Variants in SPOCK1 observed in about 807,000 individuals in gnomAD.
The protein encoded by SPOCK1 is testican-1.
In SPOCK1, 23 loss-of-function variants were observed where a neutral mutation model predicts 55.3. That is an observed-to-expected ratio of 0.42 (90% confidence interval 0.30 to 0.59). The LOEUF is 0.59. Among genes scored for constraint, SPOCK1 ranks in the 20% least tolerant of loss-of-function variants. The pLI, the probability that SPOCK1 is intolerant of heterozygous loss-of-function variation, is 0.22. For missense variants in SPOCK1, 499 were observed against 552.5 expected (o/e 0.90, Z 0.97); for synonymous variants, 226 against 221.0 (o/e 1.02, Z -0.20).
At chr5:137,071,028 T>G (rs929810893) in intron 5 of SPOCK1, among the ~76,000 whole-genome samples, 2 of 151,884 alleles carry the variant, frequency 1.3e-5, no homozygotes, top group African/African-American at 4.8e-5. Context: ...TCTTTTTTTT[T>G]TTTTTTTTTA....
rs141489819 is a variant in SPOCK1, at chr5:136,978,198, G to GT, written c.*455dup. 0.023 allele frequency: 7,942 copies of GT among 349,594 alleles called. 214 individuals are homozygous for GT. The highest frequency in any genetic ancestry group is 0.084 in the African/African-American group (4,007 of 47,690). The allele number at this position is 349,594 out of a possible 1,614,324, so 21.7% of individuals were successfully genotyped here. A position where few individuals can be genotyped will look rare whatever the true frequency, so the allele number is the denominator to read the frequency against. ...AAAAGTACAGTGTGGTGTATTTTTT[G>GT]TTTTTTTCTTTTTCACAACATCTAC... On this transcript the variant is annotated 3_prime_UTR_variant, in exon 11 of 11. Coordinates refer to ENST00000394945, the MANE Select transcript of SPOCK1 (RefSeq NM_004598.4).
chr5:137,456,211 T>C (rs1412706546), intron 2 of SPOCK1, among the ~76,000 whole-genome samples: 1 of 152,158 alleles, frequency 6.6e-6, no homozygotes, highest in Non-Finnish European at 1.5e-5. Flanking sequence ...TGTTTAATTA[T>C]CACCGCCCCT....
chr5:136,988,418 T>A lies in SPOCK1; in HGVS notation c.928+4A>T. 1 of 1,612,740 alleles carries A rather than the reference T, an allele frequency of 6.2e-7. No individual in the cohort carries two copies. The highest frequency in any genetic ancestry group is 8.5e-7 in the Non-Finnish European group (1 of 1,178,832). ...AGGGACCCCAACCCTCCATCCCACC[T>A]TACCTCCAGGCTTCTGGAAGCAGTA... On this transcript the variant is annotated splice_donor_region_variant and intron_variant, in intron 8 of 10. Coordinates refer to ENST00000394945, the MANE Select transcript of SPOCK1 (RefSeq NM_004598.4).
chr5:137,268,072 A>G (rs1323559377), intron 2 of SPOCK1, among the ~76,000 whole-genome samples: 1 of 152,352 alleles, frequency 6.6e-6, no homozygotes, highest in East Asian at 1.9e-4. Context: ...AAAGCGCACA[A>G]TTAGTTTAAA....
chr5:137,189,139 G>GC (rs1323086426), intron 3 of SPOCK1, among the ~76,000 whole-genome samples: 3 of 152,248 alleles, frequency 2.0e-5, no homozygotes, highest in African/African-American at 7.2e-5. Context: ...GCAAGGTGAA[G>GC]CAACAAGTGG....
intron 2 of SPOCK1, among the ~76,000 whole-genome samples, chr5:137,422,104 C>T (rs1020425672): frequency 3.3e-5 from 5 of 152,208 alleles, no homozygotes; most frequent in African/African-American, 1.2e-4. Flanking sequence ...ATTCTTTTCT[C>T]TAAGGACGTT....
At chr5:137,339,728 G>A (rs1750374006) in intron 2 of SPOCK1, among the ~76,000 whole-genome samples, 1 of 152,148 alleles carries the variant, frequency 6.6e-6, no homozygotes, top group Admixed American at 6.5e-5. Flanking sequence ...AGAGGTTTTG[G>A]GGGAGCAAGC....
At chr5:137,135,391 C>T (rs1045704463) in intron 4 of SPOCK1, among the ~76,000 whole-genome samples, 5 of 152,198 alleles carry the variant, frequency 3.3e-5, no homozygotes, top group Admixed American at 3.3e-4. Flanking sequence ...AGGGCAGAGC[C>T]CTCTGCATGC....
chr5:137,455,623 T>C (rs138484531), intron 2 of SPOCK1, among the ~76,000 whole-genome samples: 61 of 152,280 alleles, frequency 4.0e-4, no homozygotes, highest in Non-Finnish European at 8.5e-4. Flanking sequence ...TAGTAACAGG[T>C]TGCTTCTTGT....
intron 3 of SPOCK1, among the ~76,000 whole-genome samples, chr5:137,248,359 G>A (rs1756439111): frequency 6.6e-6 from 1 of 152,068 alleles, no homozygotes; most frequent in South Asian, 2.1e-4. Flanking sequence ...CATTTGTTGA[G>A]CACCTTTCTG....
intron 3 of SPOCK1, among the ~76,000 whole-genome samples, chr5:137,154,006 G>T (rs534564041): frequency 2.0e-5 from 3 of 151,920 alleles, no homozygotes; most frequent in Admixed American, 2.0e-4. Flanking sequence ...GATATAATAA[G>T]GCCGGGCATG....
intron 2 of SPOCK1, among the ~76,000 whole-genome samples, chr5:137,448,666 C>T (rs1412274923): frequency 6.6e-6 from 1 of 152,224 alleles, no homozygotes; most frequent in Non-Finnish European, 1.5e-5. Context: ...CATTTGCAAA[C>T]AGCAGCATAT....
rs56822929 is a variant in SPOCK1 at position 137,001,649 on chromosome 5, G to A, written c.590-9049C>T. ...CAGTGTACAAGTTGTTGCTCTTCAC[G>A]CAAGCCCTTGCTCTTCTCTGATCCC... is the stretch of plus-strand genomic sequence containing the variant. On this transcript the variant is annotated intron_variant, in intron 6 of 10. Transcript: ENST00000394945. Among the ~76,000 whole-genome samples the A allele has an allele frequency of 3.3e-4, 50 of 152,266 alleles. No individual in the cohort carries two copies. The East Asian group carries it at 8.1e-3, about 25-fold the overall frequency.
chr5:137,424,289 G>A (rs572112314), intron 2 of SPOCK1, among the ~76,000 whole-genome samples: 23 of 152,280 alleles, frequency 1.5e-4, no homozygotes, highest in African/African-American at 5.1e-4. Context: ...GCTGAGGTGG[G>A]ACGATCACTT....
intron 2 of SPOCK1, among the ~76,000 whole-genome samples, chr5:137,442,339 G>A (rs1386586125): frequency 6.6e-6 from 1 of 152,204 alleles, no homozygotes; most frequent in East Asian, 1.9e-4. Flanking sequence ...CCAGCCCAGA[G>A]AAGATGTAGA....
chr5:137,254,085 A>G (rs541832057), intron 3 of SPOCK1, among the ~76,000 whole-genome samples: 61 of 152,372 alleles, frequency 4.0e-4, no homozygotes, highest in African/African-American at 1.5e-3. Flanking sequence ...AATCACTGGT[A>G]GAAAGAACAA....
chr5:137,402,193 T>C (rs919057621), intron 2 of SPOCK1, among the ~76,000 whole-genome samples: 2 of 152,184 alleles, frequency 1.3e-5, no homozygotes, highest in Non-Finnish European at 2.9e-5. Context: ...TTTATTTCAG[T>C]TCCCCTGAGT....
At chr5:137,201,401 C>G (rs1209690162) in intron 3 of SPOCK1, among the ~76,000 whole-genome samples, 3 of 152,228 alleles carry the variant, frequency 2.0e-5, no homozygotes, top group African/African-American at 7.2e-5. Flanking sequence ...ATTCTCATCA[C>G]TTAATTCTAG....
At chr5:137,177,729 A>G (rs905919693) in intron 3 of SPOCK1, among the ~76,000 whole-genome samples, 5 of 152,124 alleles carry the variant, frequency 3.3e-5, no homozygotes, top group Admixed American at 6.5e-5. Flanking sequence ...GGGAGCCCCA[A>G]GCATTCACTT....
Sources: gnomAD v4.1 joint callset for allele counts (sites outside exome capture counted in the v4.1 genomes callset) on GRCh38, gnomAD v4.1.1 for gene constraint, MANE v1.5 for transcripts, NCBI Gene and HGNC (gene_info 2026-07-23, HGNC 2026-07-21) for gene names.